Variants in PI4KA observed in about 807,000 individuals in gnomAD.
The protein encoded by PI4KA is phosphatidylinositol 4-kinase alpha.
A neutral mutation model predicts 271.4 loss-of-function variants in PI4KA; 122 were observed. The ratio of observed to expected loss-of-function variants is 0.45; its 90% CI spans 0.39 to 0.52. The LOEUF is 0.52. Among genes scored for constraint, PI4KA ranks in the 20% least tolerant of loss-of-function variants. The pLI, the probability that PI4KA is intolerant of heterozygous loss-of-function variation, is 0.00. For missense variants in PI4KA, 1,969 were observed against 2,769.1 expected, an observed-to-expected ratio of 0.71 and a Z score of 6.48; for synonymous variants, 1,041 against 1,078.8, an observed-to-expected ratio of 0.96 and a Z score of 0.69.
intron 14 of PI4KA, among the ~76,000 whole-genome samples, chr22:20,800,845 G>C (rs970780884): frequency 2.9e-4 from 42 of 146,942 alleles, no homozygotes; most frequent in Non-Finnish European, 5.1e-4. Context: ...CTGCACTCCA[G>C]CCTGGGCGAC....
At chr22:20,837,457 A>C (rs1272706143) in intron 2 of PI4KA, among the ~76,000 whole-genome samples, 14 of 152,230 alleles carry the variant, frequency 9.2e-5, no homozygotes. Context: ...TTGATCAGGT[A>C]ACCTATTTAA....
At chr22:20,812,450 C>G (rs1181554953) in intron 8 of PI4KA, among the ~76,000 whole-genome samples, 1 of 152,138 alleles carries the variant, frequency 6.6e-6, no homozygotes, top group South Asian at 2.1e-4. Flanking sequence ...GACAGCAAGC[C>G]CAATCTTGAG....
chr22:20,754,950 A>G (rs1411385881), intron 23 of PI4KA, among the ~76,000 whole-genome samples: 3 of 152,152 alleles, frequency 2.0e-5, no homozygotes, highest in Admixed American at 1.3e-4. Flanking sequence ...TCCATCTCAA[A>G]CAAAACAAAA....
rs762010840 is a variant in PI4KA at position 20,786,142 on chromosome 22, C to T, written c.2328+7051G>A. ...GCATCTCAGACCAAAGGATCGCCAT[C>T]GACCTGGTAACCACTCCCTTGTCCA... is the stretch of plus-strand genomic sequence containing the variant. On this transcript the variant is annotated intron_variant, in intron 19 of 54. Coordinates refer to ENST00000255882, the MANE Select transcript of PI4KA (RefSeq NM_058004.4). 24 of 1,614,066 alleles carry T rather than the reference C, an allele frequency of 1.5e-5. No homozygotes were observed. The East Asian group carries it at 3.8e-4, about 25-fold the overall frequency.
At chr22:20,731,143 C>T (rs1210791738) in intron 36 of PI4KA, among the ~76,000 whole-genome samples, 1 of 152,074 alleles carries the variant, frequency 6.6e-6, no homozygotes, top group Non-Finnish European at 1.5e-5. Flanking sequence ...TACACTATTG[C>T]ACTCTAGCCT....
intron 9 of PI4KA, 22 bp from the exon 10 acceptor site, chr22:20,807,480 A>G (rs1275297041): frequency 8.5e-6 from 12 of 1,416,912 alleles, no homozygotes; most frequent in East Asian, 4.6e-5. Flanking sequence ...GCAGACACAC[A>G]TGACTATAGA....
At chr22:20,811,637 C>T (rs1295655242) in intron 8 of PI4KA, among the ~76,000 whole-genome samples, 1 of 147,068 alleles carries the variant, frequency 6.8e-6, no homozygotes, top group Non-Finnish European at 1.5e-5. Context: ...CCCACATCCA[C>T]AATTGTAGTA....
chr22:20,786,075 T>A, intron 19 of PI4KA: 1 of 1,614,138 alleles, frequency 6.2e-7, no homozygotes, highest in Non-Finnish European at 8.5e-7. Flanking sequence ...CTGAAGTTGA[T>A]GGGGATCAGG....
At chr22:20,854,917 C>T (rs1207457073) in intron 1 of PI4KA, among the ~76,000 whole-genome samples, 1 of 152,046 alleles carries the variant, frequency 6.6e-6, no homozygotes, top group Non-Finnish European at 1.5e-5. Context: ...TTTGGGAGGC[C>T]GAGGTGGGCG....
At chr22:20,778,668 G>A (rs1163906203) in intron 19 of PI4KA, among the ~76,000 whole-genome samples, 1 of 152,148 alleles carries the variant, frequency 6.6e-6, no homozygotes, top group Non-Finnish European at 1.5e-5. Flanking sequence ...AGGTGGAATG[G>A]TGTGAGTCAC....
At position 20,727,865 on chromosome 22, in the gene PI4KA, C is replaced by G; in HGVS notation, c.4683-1G>C. On this transcript the variant is annotated splice_acceptor_variant, in intron 39 of 54. Transcript: ENST00000255882. LOFTEE classifies it high-confidence loss of function. ...CCCAATGGCTTCTGTGTTCTTAAAC[C>G]TACAGTGCACAGAGGGTATGGGTGG... 6.2e-7 allele frequency: 1 copy of G among 1,612,840 alleles called. No individual in the cohort carries two copies. The highest frequency in any genetic ancestry group is 8.5e-7 in the Non-Finnish European group (1 of 1,178,898).
rs1030286436 is a variant in PI4KA at position 20,803,457 on chromosome 22, T to C, written c.1462-137A>G. The C allele has an allele frequency of 3.1e-5, 27 of 857,756 alleles. No homozygotes were observed. In the African/African-American group the frequency reaches 3.7e-4, roughly 12 times the overall value. The allele number at this position is 857,756 out of a possible 1,614,324, so 53.1% of individuals were successfully genotyped here. On this transcript the variant is annotated intron_variant, in intron 12 of 54. Transcript: ENST00000255882. The stretch of plus-strand genomic sequence containing the variant: ...AAGGTCAAAGCTCCCACAGGCCACC[T>C]GCCCAGGACATAAAAAGATGGAAGC...
At chr22:20,728,516 T>A in intron 39 of PI4KA, among the ~76,000 whole-genome samples, 1 of 152,180 alleles carries the variant, frequency 6.6e-6, no homozygotes, top group East Asian at 1.9e-4. Context: ...CCACAGCTGC[T>A]CATCCAGTGA....
chr22:20,783,904 C>G (rs1335764268), intron 19 of PI4KA: 1 of 1,606,598 alleles, frequency 6.2e-7, no homozygotes, highest in Non-Finnish European at 8.5e-7. Context: ...ATCAGATTCA[C>G]TCTCAAGGGT....
chr22:20,722,914 T>C (rs1926911931), intron 42 of PI4KA, among the ~76,000 whole-genome samples: 1 of 152,234 alleles, frequency 6.6e-6, no homozygotes, highest in South Asian at 2.1e-4. Flanking sequence ...AGTTTGCTTT[T>C]TAATTATGTA....
At chr22:20,798,852 G>T in intron 16 of PI4KA, 165 bp from the exon 17 acceptor site, 1 of 633,806 alleles carries the variant, frequency 1.6e-6, no homozygotes, top group Non-Finnish European at 2.8e-6. Flanking sequence ...CAAATTAAAA[G>T]CTAAAAGGGA....
intron 32 of PI4KA, among the ~76,000 whole-genome samples, chr22:20,737,635 T>TTTC (rs34247882): frequency 1.4e-4 from 5 of 35,332 alleles, no homozygotes; most frequent in Non-Finnish European, 2.9e-4. Flanking sequence ...ACTCTTTTTC[T>TTTC]TTTTTTTTTT....
chr22:20,766,602 T>G (rs1022439651), intron 19 of PI4KA, among the ~76,000 whole-genome samples: 7 of 151,604 alleles, frequency 4.6e-5, no homozygotes, highest in African/African-American at 7.3e-5. Flanking sequence ...GAGACAGAGG[T>G]TGCAGTGAGC....
At chr22:20,737,859 G>A (rs1190253866) in intron 32 of PI4KA, among the ~76,000 whole-genome samples, 6 of 152,124 alleles carry the variant, frequency 3.9e-5, no homozygotes, top group Non-Finnish European at 5.9e-5. Flanking sequence ...TCGATCTCCC[G>A]ACCTCAGGTG....
Sources: gnomAD v4.1 joint callset for allele counts (sites outside exome capture counted in the v4.1 genomes callset) on GRCh38, gnomAD v4.1.1 for gene constraint, MANE v1.5 for transcripts, NCBI Gene and HGNC (gene_info 2026-07-23, HGNC 2026-07-21) for gene names.